Variants in DOK6 observed in about 807,000 individuals in gnomAD.
DOK6 encodes downstream of tyrosine kinase 6.
In DOK6, 22 loss-of-function variants were observed where a neutral mutation model predicts 44.0. The observed-to-expected ratio is 0.50, with a 90% CI of 0.36 to 0.71. The LOEUF is 0.71. Ranked by LOEUF, DOK6 falls within the 30% of genes least tolerant of loss-of-function variation. DOK6 has a pLI of 0.00. For missense variants in DOK6, 340 were observed against 416.4 expected (o/e 0.82, Z 1.60); for synonymous variants, 166 against 145.5 (o/e 1.14, Z -1.01).
intron 1 of DOK6, among the ~76,000 whole-genome samples, chr18:69,559,798 G>A (rs1360027993): frequency 2.6e-5 from 4 of 152,112 alleles, no homozygotes; most frequent in South Asian, 2.1e-4. Flanking sequence ...ATTACTTCCT[G>A]GCTTGCACAT....
intron 2 of DOK6, among the ~76,000 whole-genome samples, chr18:69,570,517 A>G (rs1361600883): frequency 6.6e-6 from 1 of 152,128 alleles, no homozygotes; most frequent in East Asian, 1.9e-4. Flanking sequence ...AGAAAGAAAA[A>G]AATTTGAAAA....
intron 1 of DOK6, among the ~76,000 whole-genome samples, chr18:69,523,273 C>A (rs1185457236): frequency 6.6e-6 from 1 of 151,672 alleles, no homozygotes; most frequent in African/African-American, 2.4e-5. Flanking sequence ...ACATTTTCAT[C>A]TAAAAGAATG....
At chr18:69,523,362 A>G (rs1041404545) in intron 1 of DOK6, among the ~76,000 whole-genome samples, 5 of 152,222 alleles carry the variant, frequency 3.3e-5, no homozygotes, top group African/African-American at 9.6e-5. Flanking sequence ...ATACTGACAT[A>G]TTTTAAGTTT....
At chr18:69,694,845 G>A (rs1986356517) in intron 4 of DOK6, among the ~76,000 whole-genome samples, 1 of 152,076 alleles carries the variant, frequency 6.6e-6, no homozygotes, top group East Asian at 1.9e-4. Flanking sequence ...TTTTCTTGTT[G>A]TTGTCAATCA....
At chr18:69,653,334 T>G (rs1985280448) in intron 3 of DOK6, among the ~76,000 whole-genome samples, 1 of 150,784 alleles carries the variant, frequency 6.6e-6, no homozygotes. Context: ...AAGAAGATTT[T>G]GGCTAACTTC....
chr18:69,528,892 C>T (rs1981909556), intron 1 of DOK6, among the ~76,000 whole-genome samples: 1 of 152,192 alleles, frequency 6.6e-6, no homozygotes, highest in Non-Finnish European at 1.5e-5. Flanking sequence ...TTTCCTTGCC[C>T]TGACAGGTCC....
intron 3 of DOK6, among the ~76,000 whole-genome samples, chr18:69,606,794 T>C (rs1212954844): frequency 1.4e-5 from 2 of 145,446 alleles, no homozygotes; most frequent in East Asian, 2.0e-4. Context: ...AGAGTCTCTT[T>C]CTGTCGCCCA....
chr18:69,438,272 G>A (rs1216971742), intron 1 of DOK6, among the ~76,000 whole-genome samples: 1 of 152,146 alleles, frequency 6.6e-6, no homozygotes, highest in Non-Finnish European at 1.5e-5. Context: ...TAAATCCTTT[G>A]TTGTCATGCC....
In DOK6 at chr18:69,780,173, G is replaced by A. The variant is rs17081605; in HGVS notation, c.856+22300G>A. ...TCAAGATAATTTCGGATTTTTCTTC[G>A]TATTTTTGGTGCTTCTTATTCTGAC... is the stretch of plus-strand genomic sequence containing the variant. On this transcript the variant is annotated intron_variant, in intron 7 of 7. Coordinates refer to ENST00000382713, the MANE Select transcript of DOK6 (RefSeq NM_152721.6). Among the ~76,000 whole-genome samples the A allele has an allele frequency of 6.6e-3, 1,009 of 152,164 alleles. 37 individuals carry two copies. Among genetic ancestry groups the A allele is most frequent in the Admixed American group, 0.054 (825 of 15,268 alleles).
At position 69,845,301 on chromosome 18, in the gene DOK6, AATATT is replaced by A. The variant is rs1982322618; in HGVS notation, c.*3924_*3928del. 6.6e-6 allele frequency: 1 copy of A among 152,226 alleles called. No homozygotes were observed. Among genetic ancestry groups the A allele is most frequent in the South Asian group, 2.1e-4 (1 of 4,832 alleles). The allele number at this position is 152,226 out of a possible 1,614,324, so 9.4% of individuals were successfully genotyped here. On this transcript the variant is annotated 3_prime_UTR_variant, in exon 8 of 8. Transcript: ENST00000382713. ...AAGGCTTTAACAATTCGTGTTTTAAAATATTATATTGAAGACTGCACAAAGAGAAA... is the reference window on the plus strand; with the variant it reads ...AAGGCTTTAACAATTCGTGTTTTAAAATATTGAAGACTGCACAAAGAGAAA...
intron 1 of DOK6, among the ~76,000 whole-genome samples, chr18:69,461,445 C>A (rs1216287934): frequency 6.6e-6 from 1 of 152,178 alleles, no homozygotes; most frequent in African/African-American, 2.4e-5. Flanking sequence ...AAACGCCTGG[C>A]AGTCTTACTG....
chr18:69,509,318 T>C (rs1981281885), intron 1 of DOK6, among the ~76,000 whole-genome samples: 1 of 152,210 alleles, frequency 6.6e-6, no homozygotes, highest in South Asian at 2.1e-4. Context: ...CAAAATGTTA[T>C]GCCGATAATC....
intron 1 of DOK6, among the ~76,000 whole-genome samples, chr18:69,474,075 G>T (rs1474619265): frequency 1.3e-5 from 2 of 152,106 alleles, no homozygotes; most frequent in Non-Finnish European, 2.9e-5. Context: ...GAATTTTTAG[G>T]AAATGAAAAT....
At chr18:69,435,378 A>C (rs1978947811) in intron 1 of DOK6, among the ~76,000 whole-genome samples, 1 of 152,230 alleles carries the variant, frequency 6.6e-6, no homozygotes, top group Non-Finnish European at 1.5e-5. Context: ...TACAGATAAA[A>C]TATGGGTCTT....
chr18:69,746,467 G>A (rs1418686647), intron 6 of DOK6, among the ~76,000 whole-genome samples: 7 of 152,056 alleles, frequency 4.6e-5, no homozygotes, highest in Non-Finnish European at 1.0e-4. Context: ...TGTTTCCCAG[G>A]CTGGTCTCAA....
chr18:69,655,310 A>G (rs1390564306), intron 3 of DOK6, among the ~76,000 whole-genome samples: 1 of 152,176 alleles, frequency 6.6e-6, no homozygotes, highest in Non-Finnish European at 1.5e-5. Flanking sequence ...TTGGAAGGGC[A>G]TAATATAAAA....
At chr18:69,575,597 A>G (rs984269429) in intron 2 of DOK6, among the ~76,000 whole-genome samples, 2 of 152,126 alleles carry the variant, frequency 1.3e-5, no homozygotes, top group African/African-American at 4.8e-5. Context: ...AAAAAAGCTA[A>G]TTTAAGAAAT....
chr18:69,648,710 G>C lies in DOK6; in HGVS notation c.290-29024G>C, dbSNP rs374621954. Among the ~76,000 whole-genome samples the C allele has an allele frequency of 2.0e-5, 3 of 152,284 alleles. No individual in the cohort carries two copies. In the East Asian group the frequency reaches 5.8e-4, roughly 29 times the overall value. Reference sequence around the variant, plus strand: ...GAGCACTCCAGTTTGCTTTGGCTACGTGCCAATGCATGCTCTGGTTATGCC... The same window carrying C: ...GAGCACTCCAGTTTGCTTTGGCTACCTGCCAATGCATGCTCTGGTTATGCC... On this transcript the variant is annotated intron_variant, in intron 3 of 7. Coordinates refer to ENST00000382713, the MANE Select transcript of DOK6 (RefSeq NM_152721.6).
At chr18:69,706,374 G>C (rs143972255) in intron 5 of DOK6, among the ~76,000 whole-genome samples, 2 of 152,114 alleles carry the variant, frequency 1.3e-5, no homozygotes, top group African/African-American at 4.8e-5. Flanking sequence ...ACATTTCAAA[G>C]AGAGGAGGAA....
Sources: gnomAD v4.1 joint callset for allele counts (sites outside exome capture counted in the v4.1 genomes callset) on GRCh38, gnomAD v4.1.1 for gene constraint, MANE v1.5 for transcripts, NCBI Gene and HGNC (gene_info 2026-07-23, HGNC 2026-07-21) for gene names.